Variants in GALNT18 observed in about 807,000 individuals in gnomAD.
GALNT18 encodes polypeptide N-acetylgalactosaminyltransferase 18, also known as GalNAc-transferase 18.
A neutral mutation model predicts 69.5 loss-of-function variants in GALNT18; 44 were observed. That is an observed-to-expected ratio of 0.63 (90% CI 0.50 to 0.81). The LOEUF (loss-of-function observed/expected upper bound fraction) is 0.81. Among genes scored for constraint, GALNT18 ranks in the 40% least tolerant of loss-of-function variants. The probability of loss-of-function intolerance (pLI) is 0.00; values close to 1 mark genes in which losing one functional copy is unlikely to be tolerated. For missense variants in GALNT18, 715 were observed against 810.0 expected (o/e 0.88, Z 1.42); for synonymous variants, 364 against 318.2 (o/e 1.14, Z -1.53).
At chr11:11,428,305 C>T (rs1443950913) in intron 3 of GALNT18, among the ~76,000 whole-genome samples, 2 of 152,258 alleles carry the variant, frequency 1.3e-5, no homozygotes, top group Non-Finnish European at 2.9e-5. Flanking sequence ...TCTAGTGTCT[C>T]TTCTTCCCCT....
At chr11:11,550,970 G>A (rs1257882760) in intron 1 of GALNT18, among the ~76,000 whole-genome samples, 1 of 151,958 alleles carries the variant, frequency 6.6e-6, no homozygotes, top group Non-Finnish European at 1.5e-5. Flanking sequence ...CACACAGTGA[G>A]GTGTGCAATG....
chr11:11,328,602 A>G (rs973003482), intron 8 of GALNT18, among the ~76,000 whole-genome samples: 3 of 152,170 alleles, frequency 2.0e-5, no homozygotes, highest in Non-Finnish European at 4.4e-5. Context: ...CCTTTCCTCT[A>G]CTGGATGGTA....
chr11:11,376,172 G>A (rs1297962170), intron 5 of GALNT18, among the ~76,000 whole-genome samples: 3 of 152,122 alleles, frequency 2.0e-5, no homozygotes, highest in Non-Finnish European at 4.4e-5. Context: ...CACGAGGTCA[G>A]GAGTTCAAGA....
At chr11:11,569,376 C>T (rs546778273) in intron 1 of GALNT18, among the ~76,000 whole-genome samples, 3 of 152,086 alleles carry the variant, frequency 2.0e-5, no homozygotes, top group African/African-American at 7.2e-5. Flanking sequence ...CACCCCAATA[C>T]CCCAAGCTGG....
In GALNT18 at chr11:11,431,466, T is replaced by G. The variant is rs547962962; in HGVS notation, c.595+1155A>C. On this transcript the variant is annotated intron_variant, in intron 3 of 10. Transcript: ENST00000227756. ...CATGATAGACAATTACCTTTAAGAC[T>G]ATGTTGCCTATTTGCATCCTCGATG... Among the ~76,000 whole-genome samples, 3 of 152,286 alleles carry G rather than the reference T, an allele frequency of 2.0e-5. No homozygotes were observed. In the East Asian group the frequency reaches 5.8e-4, roughly 29 times the overall value.
At chr11:11,521,444 C>T (rs1857397270) in intron 1 of GALNT18, among the ~76,000 whole-genome samples, 1 of 152,090 alleles carries the variant, frequency 6.6e-6, no homozygotes, top group South Asian at 2.1e-4. Flanking sequence ...GTCAGTGACT[C>T]TCTAAGTCCC....
At chr11:11,333,541 A>G (rs1341525567) in intron 7 of GALNT18, among the ~76,000 whole-genome samples, 3 of 152,174 alleles carry the variant, frequency 2.0e-5, no homozygotes, top group Non-Finnish European at 2.9e-5. Context: ...ACCTGGGTCT[A>G]GAGTTTCTGC....
At chr11:11,576,501 G>T (rs1289170039) in intron 1 of GALNT18, among the ~76,000 whole-genome samples, 1 of 152,212 alleles carries the variant, frequency 6.6e-6, no homozygotes, top group African/African-American at 2.4e-5. Flanking sequence ...CCTACAACAT[G>T]CAGGCATGTA....
chr11:11,293,278 T>C (rs1849336650), intron 9 of GALNT18, 85 bp from the exon 10 acceptor site: 1 of 1,174,964 alleles, frequency 8.5e-7, no homozygotes, highest in Non-Finnish European at 1.1e-6. Context: ...TCCAGGCAGC[T>C]GGCAGAGAGG....
At position 11,463,223 on chromosome 11, in the gene GALNT18, CACAGAG is replaced by C. The variant is rs765726792; in HGVS notation, c.236-14293_236-14288del. 1.3e-4 allele frequency among the ~76,000 whole-genome samples: 19 copies of C among 151,100 alleles called. No individual in the cohort carries two copies. The highest frequency in any genetic ancestry group is 4.2e-4 in the South Asian group (2 of 4,778). ...ACAGACAGACAGACACACACACACA[CACAGAG>C]AGAGAGAGAGAGAGTTCCAGAAGCC... is the stretch of plus-strand genomic sequence containing the variant. On this transcript the variant is annotated intron_variant, in intron 1 of 10. Transcript: ENST00000227756. This position sits in a 1 kb window ranked among gnomAD's most constrained non-coding sequence, Gnocchi z 4.2.
At chr11:11,517,600 T>C (rs1650268934) in intron 1 of GALNT18, among the ~76,000 whole-genome samples, 1 of 152,206 alleles carries the variant, frequency 6.6e-6, no homozygotes, top group South Asian at 2.1e-4. Context: ...TCTGGGGCTG[T>C]ACAGATCTGG....
chr11:11,524,706 T>C (rs950147574), intron 1 of GALNT18, among the ~76,000 whole-genome samples: 1 of 152,220 alleles, frequency 6.6e-6, no homozygotes, highest in Non-Finnish European at 1.5e-5. Context: ...GTGTTTCTTA[T>C]TCTAAGTCAC....
At chr11:11,391,055 T>A (rs1854179948) in intron 3 of GALNT18, among the ~76,000 whole-genome samples, 1 of 152,122 alleles carries the variant, frequency 6.6e-6, no homozygotes. Context: ...CAAAGGAAGG[T>A]CCCTAGGCTG....
Position 11,494,302 on chromosome 11 carries a change from T to C in GALNT18, c.236-45366A>G, listed in dbSNP as rs893882047. On this transcript the variant is annotated intron_variant, in intron 1 of 10. Coordinates refer to ENST00000227756, the MANE Select transcript of GALNT18 (RefSeq NM_198516.3). This position sits in a 1 kb window ranked among gnomAD's most constrained non-coding sequence, Gnocchi z 5.7. ...AAGCCAGACACTAGAGCCTAAAAAC[T>C]GGGTCCTTTCCCCAGTGCTTCCTGT... Among the ~76,000 whole-genome samples, 7 of 152,136 alleles carry C rather than the reference T, an allele frequency of 4.6e-5. No individual in the cohort carries two copies. The highest frequency in any genetic ancestry group is 4.6e-4 in the Admixed American group (7 of 15,274).
At chr11:11,471,064 T>C (rs1366284502) in intron 1 of GALNT18, among the ~76,000 whole-genome samples, 2 of 152,170 alleles carry the variant, frequency 1.3e-5, no homozygotes, top group Non-Finnish European at 2.9e-5. Flanking sequence ...TGCTTCAGTC[T>C]CCCTCATCTA....
intron 1 of GALNT18, among the ~76,000 whole-genome samples, chr11:11,509,309 A>G (rs372171761): frequency 2.0e-5 from 3 of 152,222 alleles, no homozygotes; most frequent in South Asian, 2.1e-4. Flanking sequence ...TATCCAAAGA[A>G]AGATTTTTTA....
In GALNT18 at chr11:11,379,079, A is replaced by C; in HGVS notation, c.779+2T>G. ...CCTCCTCCTCTCCCAAGGGGCACTTACCAGCCCACATTGAACTCCACGTGG... is the reference window on the plus strand; with the variant it reads ...CCTCCTCCTCTCCCAAGGGGCACTTCCCAGCCCACATTGAACTCCACGTGG... On this transcript the variant is annotated splice_donor_variant, in intron 4 of 10. Coordinates refer to ENST00000227756, the MANE Select transcript of GALNT18 (RefSeq NM_198516.3). LOFTEE classifies it high-confidence loss of function. The C allele has an allele frequency of 6.3e-7, 1 of 1,594,464 alleles. No homozygotes were observed. Among genetic ancestry groups the C allele is most frequent in the Non-Finnish European group, 8.5e-7 (1 of 1,174,038 alleles).
In GALNT18 at chr11:11,505,350, G is replaced by C. The variant is rs1857049820; in HGVS notation, c.236-56414C>G. On this transcript the variant is annotated intron_variant, in intron 1 of 10. Coordinates refer to ENST00000227756, the MANE Select transcript of GALNT18 (RefSeq NM_198516.3). This position sits in a 1 kb window ranked among gnomAD's most constrained non-coding sequence, Gnocchi z 4.6. ...ACAGACCACACTAAGATAACAGTGT[G>C]AGTTACCAGATTCTTGAATCTCTAT... 6.7e-6 allele frequency among the ~76,000 whole-genome samples: 1 copy of C among 150,148 alleles called. No individual in the cohort carries two copies. Among genetic ancestry groups the C allele is most frequent in the Non-Finnish European group, 1.5e-5 (1 of 66,750 alleles).
intron 6 of GALNT18, among the ~76,000 whole-genome samples, chr11:11,360,519 T>G (rs759969511): frequency 3.3e-5 from 5 of 152,234 alleles, no homozygotes; most frequent in Non-Finnish European, 7.3e-5. Flanking sequence ...TATACTAATT[T>G]TCTAGTTTTA....
Sources: gnomAD v4.1 joint callset for allele counts (sites outside exome capture counted in the v4.1 genomes callset) on GRCh38, gnomAD v4.1.1 for gene constraint, Gnocchi (gnomAD v3.1) non-coding constraint, MANE v1.5 for transcripts, NCBI Gene and HGNC (gene_info 2026-07-23, HGNC 2026-07-21) for gene names.